SGCZ: variants seen among roughly 807,000 people sequenced by gnomAD.
SGCZ encodes the protein sarcoglycan zeta.
SGCZ carries 40 observed loss-of-function variants against 41.3 expected under a neutral mutation model. The observed-to-expected ratio is 0.97, with a 90% CI of 0.75 to 1.26. The LOEUF is 1.26. Among genes scored for constraint, SGCZ ranks in the 50% most tolerant of loss-of-function variants. The pLI, the probability that SGCZ is intolerant of heterozygous loss-of-function variation, is 0.00. For synonymous variants in SGCZ, 206 were observed against 137.5 expected, an observed-to-expected ratio of 1.50 and a Z score of -3.49; for missense variants, 552 against 369.8, an observed-to-expected ratio of 1.49 and a Z score of -4.04.
intron 1 of SGCZ, among the ~76,000 whole-genome samples, chr8:15,054,877 G>C (rs1325514140): frequency 6.6e-6 from 1 of 151,688 alleles, no homozygotes; most frequent in East Asian, 1.9e-4. Context: ...CAGGAGAATG[G>C]CGTGAACCTA....
At chr8:14,711,975 A>G (rs1315632745) in intron 1 of SGCZ, among the ~76,000 whole-genome samples, 2 of 152,230 alleles carry the variant, frequency 1.3e-5, no homozygotes, top group Non-Finnish European at 2.9e-5. Flanking sequence ...AATCAAAACT[A>G]AAGCTTAACC....
At chr8:14,534,049 A>G (rs564125821) in intron 2 of SGCZ, among the ~76,000 whole-genome samples, 1 of 152,158 alleles carries the variant, frequency 6.6e-6, no homozygotes, top group Non-Finnish European at 1.5e-5. Context: ...AGCTGCAGCA[A>G]TAGATTCAAG....
At chr8:14,426,278 T>C (rs1799780255) in intron 2 of SGCZ, among the ~76,000 whole-genome samples, 1 of 151,934 alleles carries the variant, frequency 6.6e-6, no homozygotes, top group South Asian at 2.1e-4. Context: ...TAAAGTGAAA[T>C]AAAACAAGGA....
At chr8:14,607,658 T>G (rs567731444) in intron 1 of SGCZ, among the ~76,000 whole-genome samples, 1 of 152,194 alleles carries the variant, frequency 6.6e-6, no homozygotes, top group East Asian at 1.9e-4. Flanking sequence ...GTGACAATTA[T>G]AAAATAGAGA....
intron 1 of SGCZ, among the ~76,000 whole-genome samples, chr8:14,880,106 G>A (rs770602068): frequency 6.6e-6 from 1 of 152,130 alleles, no homozygotes; most frequent in Non-Finnish European, 1.5e-5. Context: ...CTTCCAAAGT[G>A]CTGGGAATAC....
intron 1 of SGCZ, among the ~76,000 whole-genome samples, chr8:14,673,052 G>C (rs115786866): frequency 2.1e-3 from 324 of 152,250 alleles, no homozygotes; most frequent in Middle Eastern, 6.8e-3. Context: ...TTGTTTGCCA[G>C]CTTTTGGTCT....
At chr8:14,698,585 C>A (rs1373486020) in intron 1 of SGCZ, among the ~76,000 whole-genome samples, 1 of 151,850 alleles carries the variant, frequency 6.6e-6, no homozygotes, top group African/African-American at 2.4e-5. Flanking sequence ...AATTTCTGAG[C>A]TAACTTAATA....
chr8:14,416,348 G>C (rs1275890572), intron 2 of SGCZ, among the ~76,000 whole-genome samples: 1 of 151,876 alleles, frequency 6.6e-6, no homozygotes, highest in Non-Finnish European at 1.5e-5. Context: ...ATTTAATGTT[G>C]TATGTCAATG....
At chr8:14,814,759 G>A (rs538475538) in intron 1 of SGCZ, among the ~76,000 whole-genome samples, 5 of 152,106 alleles carry the variant, frequency 3.3e-5, no homozygotes, top group South Asian at 2.1e-4. Context: ...TGCAGAAATC[G>A]GTTAAGACTA....
intron 1 of SGCZ, among the ~76,000 whole-genome samples, chr8:14,836,814 C>A (rs185277580): frequency 8.6e-4 from 131 of 152,250 alleles, no homozygotes; most frequent in African/African-American, 2.9e-3. Context: ...AATTATTTTT[C>A]TCTTAATGAC....
At chr8:14,130,905 AT>A (rs1385256534) in intron 5 of SGCZ, among the ~76,000 whole-genome samples, 1 of 152,178 alleles carries the variant, frequency 6.6e-6, no homozygotes, top group Admixed American at 6.5e-5. Flanking sequence ...TGCATAAAAA[AT>A]ATTAGGGTGG....
At chr8:14,612,903 C>T (rs1805975437) in intron 1 of SGCZ, among the ~76,000 whole-genome samples, 2 of 152,130 alleles carry the variant, frequency 1.3e-5, no homozygotes, top group South Asian at 4.1e-4. Context: ...CCAGGGTAGC[C>T]TCGAACTCCT....
At chr8:14,897,403 C>A (rs1487106754) in intron 1 of SGCZ, among the ~76,000 whole-genome samples, 1 of 152,106 alleles carries the variant, frequency 6.6e-6, no homozygotes, top group Non-Finnish European at 1.5e-5. Context: ...TGGCTTGTAA[C>A]GTTTAGCCCT....
chr8:14,990,456 C>T (rs115241010), intron 1 of SGCZ, among the ~76,000 whole-genome samples: 353 of 152,216 alleles, frequency 2.3e-3, no homozygotes, highest in African/African-American at 8.4e-3. Flanking sequence ...CTGAGCTCCA[C>T]CTCCTGTCCC....
intron 3 of SGCZ, among the ~76,000 whole-genome samples, chr8:14,251,186 C>T (rs758023549): frequency 1.3e-4 from 20 of 152,044 alleles, no homozygotes; most frequent in South Asian, 4.1e-4. Flanking sequence ...AGAGATAGTG[C>T]CACTGTACTC....
At chr8:15,208,713 T>C (rs1309427523) in intron 1 of SGCZ, among the ~76,000 whole-genome samples, 1 of 152,050 alleles carries the variant, frequency 6.6e-6, no homozygotes, top group Non-Finnish European at 1.5e-5. Flanking sequence ...TATGACAGTA[T>C]TTGCTATTAC....
At chr8:15,121,499 A>G (rs763836882) in intron 1 of SGCZ, among the ~76,000 whole-genome samples, 3 of 152,214 alleles carry the variant, frequency 2.0e-5, no homozygotes, top group Admixed American at 6.5e-5. Flanking sequence ...CAACAGTGCT[A>G]GGCAAAAAAC....
chr8:15,025,246 T>C (rs1444395725), intron 1 of SGCZ, among the ~76,000 whole-genome samples: 1 of 152,178 alleles, frequency 6.6e-6, no homozygotes, highest in African/African-American at 2.4e-5. Flanking sequence ...CAAGGTTCAA[T>C]CATTCCTGCT....
chr8:14,169,425 C>T (rs1804306875), intron 4 of SGCZ, among the ~76,000 whole-genome samples: 1 of 152,082 alleles, frequency 6.6e-6, no homozygotes, highest in South Asian at 2.1e-4. Flanking sequence ...TCAGTATTAC[C>T]AGTAACTTCC....
Sources: gnomAD v4.1 joint callset for allele counts (sites outside exome capture counted in the v4.1 genomes callset) on GRCh38, gnomAD v4.1.1 for gene constraint, MANE v1.5 for transcripts, NCBI Gene and HGNC (gene_info 2026-07-23, HGNC 2026-07-21) for gene names.